The following CNTNAP2 variants were observed in gnomAD, a reference collection of about 807,000 sequenced individuals.
CNTNAP2 encodes the protein contactin associated protein 2.
In CNTNAP2, 98 loss-of-function variants were observed where a neutral mutation model predicts 155.2. That is an observed-to-expected ratio of 0.63 (90% CI 0.54 to 0.75). CNTNAP2 has a LOEUF of 0.75. Ranked by LOEUF, CNTNAP2 falls within the 30% of genes least tolerant of loss-of-function variation. The pLI, the probability that CNTNAP2 is intolerant of heterozygous loss-of-function variation, is 0.00. For missense variants in CNTNAP2, 1,727 were observed against 1,688.1 expected (o/e 1.02, Z -0.40); for synonymous variants, 651 against 631.2 (o/e 1.03, Z -0.47).
chr7:146,410,568 G>A (rs138208717), intron 1 of CNTNAP2, among the ~76,000 whole-genome samples: 7 of 152,152 alleles, frequency 4.6e-5, no homozygotes, highest in Admixed American at 1.3e-4. Flanking sequence ...TTGTGTCATG[G>A]GAGTTTGTTG....
chr7:147,411,763 GA>G (rs1223408783), intron 10 of CNTNAP2, among the ~76,000 whole-genome samples: 1 of 152,102 alleles, frequency 6.6e-6, no homozygotes, highest in African/African-American at 2.4e-5. Context: ...TTGCAAGATA[GA>G]CTGAGAATTA....
At chr7:146,595,903 T>C (rs1798852090) in intron 1 of CNTNAP2, among the ~76,000 whole-genome samples, 1 of 152,100 alleles carries the variant, frequency 6.6e-6, no homozygotes, top group Non-Finnish European at 1.5e-5. Context: ...TCACACTTTT[T>C]AACTTGTCCA....
At chr7:147,478,221 C>T (rs964467556) in intron 10 of CNTNAP2, among the ~76,000 whole-genome samples, 8 of 151,796 alleles carry the variant, frequency 5.3e-5, no homozygotes, top group African/African-American at 1.7e-4. Context: ...GACATGATCT[C>T]GGCTCACTGC....
intron 21 of CNTNAP2, among the ~76,000 whole-genome samples, chr7:148,334,427 A>C (rs1798082492): frequency 6.6e-6 from 1 of 152,186 alleles, no homozygotes; most frequent in South Asian, 2.1e-4. Flanking sequence ...ATAAGCAAAA[A>C]TCTAAATTTG....
intron 13 of CNTNAP2, among the ~76,000 whole-genome samples, chr7:147,776,882 G>C (rs1797592949): frequency 6.7e-6 from 1 of 148,832 alleles, no homozygotes; most frequent in African/African-American, 2.5e-5. Flanking sequence ...ACTTTTATCT[G>C]TTTTCTCTTT....
intron 10 of CNTNAP2, among the ~76,000 whole-genome samples, chr7:147,468,187 A>G (rs1278855843): frequency 1.3e-5 from 2 of 152,116 alleles, no homozygotes; most frequent in African/African-American, 2.4e-5. Flanking sequence ...GCTATATAAG[A>G]GGCTGAGGCA....
At chr7:146,168,860 G>T (rs534942298) in intron 1 of CNTNAP2, among the ~76,000 whole-genome samples, 1 of 152,090 alleles carries the variant, frequency 6.6e-6, no homozygotes, top group Admixed American at 6.5e-5. Flanking sequence ...CCCTGAAATG[G>T]CTGTCCATTT....
At chr7:146,924,026 A>G (rs1796556602) in intron 3 of CNTNAP2, among the ~76,000 whole-genome samples, 2 of 152,090 alleles carry the variant, frequency 1.3e-5, no homozygotes, top group African/African-American at 4.8e-5. Context: ...TCTCTCTCTT[A>G]AAGTATATGT....
intron 11 of CNTNAP2, among the ~76,000 whole-genome samples, chr7:147,526,124 G>A (rs1799313857): frequency 6.6e-6 from 1 of 150,678 alleles, no homozygotes; most frequent in Non-Finnish European, 1.5e-5. Flanking sequence ...CATGGGAGGA[G>A]GAGGTTGAAG....
intron 2 of CNTNAP2, among the ~76,000 whole-genome samples, chr7:146,817,973 G>C (rs1433241073): frequency 6.6e-6 from 1 of 152,166 alleles, no homozygotes; most frequent in Non-Finnish European, 1.5e-5. Flanking sequence ...TGAAAAGTAA[G>C]TTATTATTCT....
In CNTNAP2 at chr7:147,116,257, G is replaced by A. The variant is rs554779821; in HGVS notation, c.755-4722G>A. Among the ~76,000 whole-genome samples the A allele has an allele frequency of 3.3e-5, 5 of 152,332 alleles. No homozygotes were observed. In the South Asian group the frequency reaches 1.0e-3, roughly 32 times the overall value. ...GGCCCAAGTGTGCCTGGAGGAAGTG[G>A]TTGGAGACTACTGTTGGGAGGTCTC... is the stretch of plus-strand genomic sequence containing the variant. On this transcript the variant is annotated intron_variant, in intron 5 of 23. Transcript: ENST00000361727.
intron 21 of CNTNAP2, among the ~76,000 whole-genome samples, chr7:148,328,976 G>GAAAAAAAAAAAAAA (rs71188969): frequency 7.2e-5 from 5 of 69,260 alleles, no homozygotes; most frequent in African/African-American, 2.6e-4. Context: ...ACTCTGTCTG[G>GAAAAAAAAAAAAAA]AAAAAAAAAA....
At chr7:146,157,992 G>A (rs896555810) in intron 1 of CNTNAP2, among the ~76,000 whole-genome samples, 5 of 152,154 alleles carry the variant, frequency 3.3e-5, no homozygotes, top group African/African-American at 1.2e-4. Flanking sequence ...CCCAGTAGGG[G>A]CCAACTGACA....
At chr7:147,719,445 A>G (rs973663086) in intron 13 of CNTNAP2, among the ~76,000 whole-genome samples, 6 of 152,084 alleles carry the variant, frequency 3.9e-5, no homozygotes, top group African/African-American at 1.4e-4. Context: ...TTACATAACA[A>G]TCTGGCAGAA....
chr7:146,906,167 G>C (rs979497478), intron 3 of CNTNAP2, among the ~76,000 whole-genome samples: 4 of 152,198 alleles, frequency 2.6e-5, no homozygotes, highest in East Asian at 3.9e-4. Context: ...ACGGAGTCTC[G>C]CTGATTGCTA....
chr7:147,925,105 C>T (rs111871783), intron 14 of CNTNAP2, among the ~76,000 whole-genome samples: 4,375 of 128,928 alleles, frequency 0.034, 242 homozygotes, highest in African/African-American at 0.12. Flanking sequence ...GGCGACAGAG[C>T]GAGACTCCAT....
chr7:147,681,657 A>C (rs1387391462), intron 13 of CNTNAP2, among the ~76,000 whole-genome samples: 2 of 151,940 alleles, frequency 1.3e-5, no homozygotes, highest in Non-Finnish European at 2.9e-5. Flanking sequence ...TATGATCTGA[A>C]AAAACTATCT....
intron 1 of CNTNAP2, among the ~76,000 whole-genome samples, chr7:146,722,334 A>G (rs1347930686): frequency 6.6e-6 from 1 of 152,134 alleles, no homozygotes; most frequent in Non-Finnish European, 1.5e-5. Flanking sequence ...GGCTTGGCCT[A>G]GGACTTCCAG....
intron 1 of CNTNAP2, among the ~76,000 whole-genome samples, chr7:146,734,123 T>C (rs1396074705): frequency 1.3e-5 from 2 of 152,118 alleles, no homozygotes; most frequent in African/African-American, 2.4e-5. Context: ...AGGATGTTTT[T>C]CCATTACCCA....
Sources: allele counts gnomAD v4.1 joint callset (sites outside exome capture counted in the v4.1 genomes callset), GRCh38; gene constraint gnomAD v4.1.1; transcripts MANE v1.5; gene names NCBI Gene and HGNC (gene_info 2026-07-23, HGNC 2026-07-21).